CSMD1: variants seen among roughly 807,000 people sequenced by gnomAD.
CSMD1 encodes CUB and Sushi multiple domains 1, also known as CUB and sushi domain-containing protein 1.
In CSMD1, 213 loss-of-function variants were observed where a neutral mutation model predicts 417.5. The ratio of observed to expected loss-of-function variants is 0.51; its 90% confidence interval spans 0.46 to 0.57. CSMD1 has a LOEUF of 0.57. Among genes scored for constraint, CSMD1 ranks in the 20% least tolerant of loss-of-function variants. CSMD1 has a pLI of 0.00. For missense variants in CSMD1, 6,923 were observed against 4,529.7 expected, an observed-to-expected ratio of 1.53 and a Z score of -15.17; for synonymous variants, 2,862 against 1,736.8, an observed-to-expected ratio of 1.65 and a Z score of -16.11.
At chr8:4,718,535 G>A (rs978735414) in intron 1 of CSMD1, among the ~76,000 whole-genome samples, 1 of 151,938 alleles carries the variant, frequency 6.6e-6, no homozygotes, top group East Asian at 1.9e-4. Context: ...TTAAGTACTA[G>A]CTAAGGGAAT....
intron 2 of CSMD1, among the ~76,000 whole-genome samples, chr8:4,422,484 T>C (rs1797304887): frequency 6.6e-6 from 1 of 152,060 alleles, no homozygotes; most frequent in South Asian, 2.1e-4. Context: ...AAGAGAAGGA[T>C]TCCTTTCTCC....
intron 42 of CSMD1, among the ~76,000 whole-genome samples, chr8:3,114,131 C>T (rs1001490785): frequency 3.3e-5 from 5 of 152,046 alleles, no homozygotes; most frequent in Non-Finnish European, 5.9e-5. Context: ...GTGGTCCTAG[C>T]CACTTGGGAG....
At chr8:4,700,238 G>C (rs1348254265) in intron 1 of CSMD1, among the ~76,000 whole-genome samples, 3 of 152,022 alleles carry the variant, frequency 2.0e-5, no homozygotes, top group Non-Finnish European at 4.4e-5. Context: ...ATCAAAGAAA[G>C]AACCTCTTGT....
chr8:4,629,528 T>C (rs1802379553), intron 2 of CSMD1, among the ~76,000 whole-genome samples: 2 of 152,244 alleles, frequency 1.3e-5, no homozygotes, highest in African/African-American at 4.8e-5. Context: ...AACAATTCTT[T>C]GTCTTTCATA....
At chr8:4,924,037 G>C (rs1457539558) in intron 1 of CSMD1, among the ~76,000 whole-genome samples, 1 of 152,174 alleles carries the variant, frequency 6.6e-6, no homozygotes, top group African/African-American at 2.4e-5. Context: ...ATCTCAGCTT[G>C]CTTGAAGTCT....
At chr8:3,985,449 G>T (rs531747210) in intron 5 of CSMD1, among the ~76,000 whole-genome samples, 1 of 151,928 alleles carries the variant, frequency 6.6e-6, no homozygotes, top group Non-Finnish European at 1.5e-5. Flanking sequence ...ACACCTGGGC[G>T]TGCACACTCA....
At chr8:3,447,079 T>A (rs1815352411) in intron 12 of CSMD1, among the ~76,000 whole-genome samples, 1 of 152,210 alleles carries the variant, frequency 6.6e-6, no homozygotes, top group Non-Finnish European at 1.5e-5. Context: ...ACATCAGTTG[T>A]TATATTTTGA....
At chr8:4,457,449 T>A (rs777434399) in intron 2 of CSMD1, among the ~76,000 whole-genome samples, 1 of 152,030 alleles carries the variant, frequency 6.6e-6, no homozygotes, top group Non-Finnish European at 1.5e-5. Context: ...ACATAATGCA[T>A]TGAAAAGTCT....
At chr8:3,132,705 C>A (rs1585430274) in intron 41 of CSMD1, among the ~76,000 whole-genome samples, 2 of 152,298 alleles carry the variant, frequency 1.3e-5, no homozygotes, top group East Asian at 1.9e-4. Context: ...ATTACCTGAG[C>A]AATTGTAATC....
rs557603566 is a variant in CSMD1 at position 4,637,581 on chromosome 8, A to T, written c.86-23T>A. The T allele has an allele frequency of 9.7e-6, 15 of 1,548,956 alleles. No homozygotes were observed. The East Asian group carries it at 1.1e-4, about 12-fold the overall frequency. ...GACCTGGAAGAGAAAACACACACAA[A>T]AAAGCATATTATTCTGGCCATCTTT... On this transcript the variant is annotated intron_variant, in intron 1 of 69. Transcript: ENST00000635120.
intron 6 of CSMD1, among the ~76,000 whole-genome samples, chr8:3,709,768 C>T (rs1230126550): frequency 7.3e-6 from 1 of 136,268 alleles, no homozygotes; most frequent in Non-Finnish European, 1.5e-5. Flanking sequence ...CTCCAACTTG[C>T]TGACTTACCC....
chr8:4,808,052 G>C (rs1198979877), intron 1 of CSMD1, among the ~76,000 whole-genome samples: 2 of 152,170 alleles, frequency 1.3e-5, no homozygotes, highest in Non-Finnish European at 2.9e-5. Flanking sequence ...GTTGACTTTT[G>C]TAAATAATAC....
At chr8:4,223,669 T>C (rs753707511) in intron 3 of CSMD1, among the ~76,000 whole-genome samples, 1 of 152,228 alleles carries the variant, frequency 6.6e-6, no homozygotes, top group African/African-American at 2.4e-5. Context: ...GTCTGTGCTC[T>C]TGGAAAAATC....
chr8:4,069,453 T>G (rs749984088), intron 3 of CSMD1, among the ~76,000 whole-genome samples: 1 of 152,182 alleles, frequency 6.6e-6, no homozygotes, highest in Non-Finnish European at 1.5e-5. Context: ...AAATACAGTT[T>G]TGTCTTTCGC....
chr8:3,845,142 T>C (rs987685846), intron 5 of CSMD1, among the ~76,000 whole-genome samples: 7 of 152,212 alleles, frequency 4.6e-5, no homozygotes, highest in Non-Finnish European at 5.9e-5. Flanking sequence ...AGACATTGAA[T>C]TGAAGGCAGG....
chr8:4,633,616 G>C lies in CSMD1; in HGVS notation c.302+3726C>G, dbSNP rs534849551. Among the ~76,000 whole-genome samples, 14 of 152,056 alleles carry C rather than the reference G, an allele frequency of 9.2e-5. No homozygotes were observed. The South Asian group carries it at 1.2e-3, about 14-fold the overall frequency. On this transcript the variant is annotated intron_variant, in intron 2 of 69. Coordinates refer to ENST00000635120, the MANE Select transcript of CSMD1 (RefSeq NM_033225.6). The stretch of plus-strand genomic sequence containing the variant: ...CTGTCACCCAGGCTGGAGTGCAGTG[G>C]CATGATCTGCACTCACTGCAACCTC...
At chr8:3,494,459 G>A (rs1284348437) in intron 10 of CSMD1, among the ~76,000 whole-genome samples, 1 of 152,040 alleles carries the variant, frequency 6.6e-6, no homozygotes, top group Non-Finnish European at 1.5e-5. Flanking sequence ...GGAGAAAAAG[G>A]AAAGAAGATA....
chr8:4,436,139 G>T (rs762557411), intron 2 of CSMD1, among the ~76,000 whole-genome samples: 13 of 152,194 alleles, frequency 8.5e-5, no homozygotes, highest in African/African-American at 2.6e-4. Flanking sequence ...ATAAAAAATA[G>T]AAGTCATAGA....
intron 15 of CSMD1, among the ~76,000 whole-genome samples, 182 bp from the exon 16 acceptor site, chr8:3,399,711 C>G (rs1165213270): frequency 6.6e-6 from 1 of 152,172 alleles, no homozygotes; most frequent in Non-Finnish European, 1.5e-5. Context: ...TATATGCTAC[C>G]TCCATGTACT....
Sources: gnomAD v4.1 joint callset for allele counts (sites outside exome capture counted in the v4.1 genomes callset) on GRCh38, gnomAD v4.1.1 for gene constraint, MANE v1.5 for transcripts, NCBI Gene and HGNC (gene_info 2026-07-23, HGNC 2026-07-21) for gene names.